Variants in ACOT12 observed in about 807,000 individuals in gnomAD.
ACOT12 encodes the protein acyl-CoA thioesterase 12, also known as acetyl-coenzyme A thioesterase.
In ACOT12, 51 loss-of-function variants were observed where a neutral mutation model predicts 67.7. The observed-to-expected ratio is 0.75, with a 90% CI of 0.60 to 0.95. The LOEUF (loss-of-function observed/expected upper bound fraction) is 0.95. ACOT12 is among the 40% of genes least tolerant of loss of function. The pLI is 0.00. For missense variants in ACOT12, 734 were observed against 708.1 expected (o/e 1.04, Z -0.41); for synonymous variants, 251 against 244.6 (o/e 1.03, Z -0.24).
intron 2 of ACOT12, among the ~76,000 whole-genome samples, chr5:81,375,701 T>C (rs1333253834): frequency 1.3e-5 from 2 of 149,794 alleles, no homozygotes; most frequent in African/African-American, 4.9e-5. Context: ...TAGTTTCTGA[T>C]AAAACAGACT....
chr5:81,315,328 C>T, the ACOT12 span, among the ~76,000 whole-genome samples: 1 of 152,294 alleles, frequency 6.6e-6, no homozygotes, highest in Admixed American at 6.5e-5. Flanking sequence ...GCCAGCCCCC[C>T]ATCCCTGCTT....
At position 81,330,509 on chromosome 5, in the gene ACOT12, A is replaced by G. The variant is rs778568996; in HGVS notation, c.1553T>C (p.Leu518Pro). The G allele has an allele frequency of 5.6e-6, 9 of 1,614,136 alleles. No individual in the cohort carries two copies. The highest frequency in any genetic ancestry group is 6.8e-6 in the Non-Finnish European group (8 of 1,179,990). ...SYFNHMSASI[L>P]PYFAGNLGGW... Reference sequence around the variant, plus strand: ...ACCAAGATTTCCAGCAAAGTAAGGAAGGATGCTAGCAGACATATGGTTAAA... The same window carrying G: ...ACCAAGATTTCCAGCAAAGTAAGGAGGGATGCTAGCAGACATATGGTTAAA... The change falls in exon 15 of 15, where the codon CTT (leucine) becomes CCT (proline). Residue 518 changes from leucine (L) to proline (P), a missense_variant. Leu to Pro is a moderately conservative substitution (Grantham distance 98). Transcript: ENST00000307624.
chr5:81,384,407 G>A (rs552259304), intron 2 of ACOT12, among the ~76,000 whole-genome samples: 18 of 151,970 alleles, frequency 1.2e-4, no homozygotes, highest in South Asian at 4.1e-4. Context: ...CAAAGTGCTG[G>A]GATTACAGGT....
At chr5:81,352,088 C>A (rs1269827739) in intron 5 of ACOT12, among the ~76,000 whole-genome samples, 1 of 152,106 alleles carries the variant, frequency 6.6e-6, no homozygotes, top group Non-Finnish European at 1.5e-5. Context: ...TGCCTTTTAT[C>A]CCAAAGACAG....
At chr5:81,311,267 A>G in the ACOT12 span, 4 of 1,614,114 alleles carry the variant, frequency 2.5e-6, no homozygotes, top group Non-Finnish European at 3.4e-6. Flanking sequence ...TTGCCCTGAA[A>G]GTCAGAATTC....
the ACOT12 span, chr5:81,313,077 T>G: frequency 4.6e-5 from 7 of 152,488 alleles, no homozygotes; most frequent in African/African-American, 1.7e-4. Flanking sequence ...TAATAGAAAT[T>G]TATAAGTTGC....
chr5:81,389,955 A>ATT lies in ACOT12; in HGVS notation c.127+4031_127+4032dup, dbSNP rs34623194. On this transcript the variant is annotated intron_variant, in intron 1 of 14. Transcript: ENST00000307624. ...CTCTGACACTTTATTTTATTTATGT[A>ATT]TTTTTTTTTTTTTTTTTGAGACAGG... Among the ~76,000 whole-genome samples, 1,084 of 129,518 alleles carry ATT rather than the reference A, an allele frequency of 8.4e-3. 31 individuals are homozygous for ATT. Among genetic ancestry groups the ATT allele is most frequent in the African/African-American group, 0.029 (1,017 of 35,044 alleles). The allele number at this position is 129,518 out of a possible 152,430, so 85.0% of individuals were successfully genotyped here. A position where few individuals can be genotyped will look rare whatever the true frequency, so the allele number is the denominator to read the frequency against.
chr5:81,314,657 T>G, the ACOT12 span, among the ~76,000 whole-genome samples: 1 of 152,238 alleles, frequency 6.6e-6, no homozygotes, highest in African/African-American at 2.4e-5. Flanking sequence ...CACTACTATG[T>G]TCCTGTTACT....
At chr5:81,352,315 T>C (rs1200598106) in intron 5 of ACOT12, among the ~76,000 whole-genome samples, 5 of 152,240 alleles carry the variant, frequency 3.3e-5, no homozygotes, top group Non-Finnish European at 5.9e-5. Context: ...CCCATGTTTG[T>C]TGCAGCCCTG....
intron 5 of ACOT12, among the ~76,000 whole-genome samples, chr5:81,352,866 T>C (rs573539629): frequency 3.3e-5 from 5 of 152,202 alleles, no homozygotes; most frequent in Non-Finnish European, 5.9e-5. Flanking sequence ...ACACCTACTG[T>C]GTACCCACAG....
intron 1 of ACOT12, among the ~76,000 whole-genome samples, chr5:81,391,847 G>T (rs895197064): frequency 6.6e-6 from 1 of 152,206 alleles, no homozygotes; most frequent in Non-Finnish European, 1.5e-5. Context: ...AGTATGTGAA[G>T]TGAGAAGTAA....
intron 3 of ACOT12, among the ~76,000 whole-genome samples, chr5:81,367,479 A>G (rs1760116198): frequency 6.6e-6 from 1 of 152,206 alleles, no homozygotes; most frequent in Non-Finnish European, 1.5e-5. Flanking sequence ...CACTATACTC[A>G]AAGGGATATT....
chr5:81,346,187 G>A (rs184385214), intron 6 of ACOT12, among the ~76,000 whole-genome samples, 183 bp from the exon 7 acceptor site: 6 of 152,316 alleles, frequency 3.9e-5, no homozygotes, highest in East Asian at 1.9e-4. Flanking sequence ...CCATGTCCCC[G>A]AGCAGTGGGG....
chr5:81,361,096 A>AG (rs1243227752), intron 4 of ACOT12, among the ~76,000 whole-genome samples: 1 of 151,500 alleles, frequency 6.6e-6, no homozygotes, highest in African/African-American at 2.4e-5. Flanking sequence ...AAAAAAAAAA[A>AG]AAAGAAATAA....
chr5:81,374,434 C>T (rs1760347636), intron 2 of ACOT12, among the ~76,000 whole-genome samples: 1 of 152,114 alleles, frequency 6.6e-6, no homozygotes, highest in Non-Finnish European at 1.5e-5. Flanking sequence ...GCCTCTTCTC[C>T]TTCAAAGGAT....
intron 12 of ACOT12, among the ~76,000 whole-genome samples, chr5:81,335,128 T>C (rs79066366): frequency 0.043 from 6,526 of 152,288 alleles, 190 homozygotes; most frequent in Middle Eastern, 0.068. Context: ...TAGAAGAGTG[T>C]AGAATTCAGA....
At chr5:81,315,908 C>T in the ACOT12 span, among the ~76,000 whole-genome samples, 1 of 152,152 alleles carries the variant, frequency 6.6e-6, no homozygotes, top group African/African-American at 2.4e-5. Flanking sequence ...CACCTTCTAC[C>T]ATATTAAGTT....
the ACOT12 span, among the ~76,000 whole-genome samples, chr5:81,322,561 T>G: frequency 6.6e-6 from 1 of 151,890 alleles, no homozygotes; most frequent in Non-Finnish European, 1.5e-5. Flanking sequence ...ATAAGGGGCT[T>G]AGGAAAGGCC....
chr5:81,320,656 T>C, the ACOT12 span, among the ~76,000 whole-genome samples: 1 of 152,020 alleles, frequency 6.6e-6, no homozygotes, highest in South Asian at 2.1e-4. Context: ...CCAGACTGCA[T>C]GATAAAATCA....
Sources: allele counts gnomAD v4.1 joint callset (sites outside exome capture counted in the v4.1 genomes callset), GRCh38; gene constraint gnomAD v4.1.1; transcripts MANE v1.5; gene names NCBI Gene and HGNC (gene_info 2026-07-23, HGNC 2026-07-21).